The following MYO18A variants were observed in gnomAD, a reference collection of about 807,000 sequenced individuals.
The protein encoded by MYO18A is unconventional myosin-XVIIIa.
A neutral mutation model predicts 235.8 loss-of-function variants in MYO18A; 78 were observed. That is an observed-to-expected ratio of 0.33 (90% CI 0.28 to 0.40). The LOEUF (loss-of-function observed/expected upper bound fraction) is 0.40. Among genes scored for constraint, MYO18A ranks in the 10% least tolerant of loss-of-function variants. The probability of loss-of-function intolerance (pLI) is 1.00; values close to 1 mark genes in which losing one functional copy is unlikely to be tolerated. For synonymous variants in MYO18A, 977 were observed against 1,077.8 expected (o/e 0.91, Z 1.83); for missense variants, 2,215 against 2,699.3 (o/e 0.82, Z 3.98).
At position 29,089,979 on chromosome 17, in the gene MYO18A, C is replaced by G; in HGVS notation, c.5508G>C (p.Thr1836=). 1 of 1,614,048 alleles carries G rather than the reference C, an allele frequency of 6.2e-7. No homozygotes were observed. The highest frequency in any genetic ancestry group is 2.2e-5 in the East Asian group (1 of 44,876). Residue 1836 remains threonine, a synonymous_variant, in exon 37 of 42, where the codon ACG becomes ACC. Transcript: ENST00000527372. The part of the protein sequence containing the change: ...ELETRLEFER[T]QVKRLESLAS... ...AACCCACCTCCAGCCGTTTCACTTGCGTCCTTTCAAACTCCAGGCGTGTCT... is the reference window on the plus strand; with the variant it reads ...AACCCACCTCCAGCCGTTTCACTTGGGTCCTTTCAAACTCCAGGCGTGTCT...
chr17:29,165,901 C>T, intron 2 of MYO18A, 41 bp downstream of exon 2: 1 of 1,567,592 alleles, frequency 6.4e-7, no homozygotes, highest in Non-Finnish European at 8.7e-7. Context: ...TGCCCACATT[C>T]CCCATCCCTG....
chr17:29,090,452 T>C, intron 36 of MYO18A, 80 bp downstream of exon 36: 1 of 1,320,400 alleles, frequency 7.6e-7, no homozygotes, highest in Non-Finnish European at 1.1e-6. Flanking sequence ...AAGCGCCTTC[T>C]AAACTGTGAA....
intron 2 of MYO18A, chr17:29,131,283 G>T (rs562114530): frequency 1.0e-5 from 7 of 672,066 alleles, no homozygotes; most frequent in Non-Finnish European, 1.3e-5. Flanking sequence ...GCTAGTGGGT[G>T]CAGGGGCAAA....
intron 34 of MYO18A, chr17:29,091,764 C>CCCTGCCCAAGGGG (rs2066403473): frequency 2.3e-6 from 1 of 437,246 alleles, no homozygotes. Flanking sequence ...CTGCCCCATT[C>CCCTGCCCAAGGGG]CCTGCCCAAG....
chr17:29,094,506 T>C, intron 30 of MYO18A, 144 bp downstream of exon 30: 1 of 820,230 alleles, frequency 1.2e-6, no homozygotes, highest in South Asian at 1.7e-5. Flanking sequence ...GATCAGGTGC[T>C]CACTCCACAT....
chr17:29,086,130 C>G (rs1204602378), intron 39 of MYO18A, among the ~76,000 whole-genome samples: 1 of 152,246 alleles, frequency 6.6e-6, no homozygotes, highest in African/African-American at 2.4e-5. Flanking sequence ...TCTGCTCTCC[C>G]CAGAGTGGGG....
chr17:29,140,209 G>A lies in MYO18A; in HGVS notation c.1000-17956C>T, dbSNP rs994197530. On this transcript the variant is annotated intron_variant, in intron 2 of 41. Coordinates refer to ENST00000527372, the MANE Select transcript of MYO18A (RefSeq NM_078471.4). This position sits in a 1 kb window ranked among gnomAD's most constrained non-coding sequence, Gnocchi z 4.2. ...AAGCTCGGAGAGGAGCCCCAAGGCTGCCCCACCCCTCTCCCCACCTACTTC... is the reference window on the plus strand; with the variant it reads ...AAGCTCGGAGAGGAGCCCCAAGGCTACCCCACCCCTCTCCCCACCTACTTC... 3 of 534,440 alleles carry A rather than the reference G, an allele frequency of 5.6e-6. No homozygotes were observed. Among genetic ancestry groups the A allele is most frequent in the Non-Finnish European group, 8.2e-6 (3 of 366,962 alleles). The allele number at this position is 534,440 out of a possible 1,614,324, so 33.1% of individuals were successfully genotyped here.
intron 2 of MYO18A, among the ~76,000 whole-genome samples, chr17:29,138,494 A>T (rs2067659009): frequency 6.6e-6 from 1 of 152,160 alleles, no homozygotes. Flanking sequence ...TTATCTAGGG[A>T]TTGAGGGCGA....
rs775873123 is a variant in MYO18A, at chr17:29,097,175, C to G, written c.4230+48G>C. ...ACTGGACCGACACAAGGCACCAGTC[C>G]TCTCCTGGCCCTCCCAGGCACAGGC... On this transcript the variant is annotated intron_variant, in intron 27 of 41. Transcript: ENST00000527372. 3.1e-6 allele frequency: 5 copies of G among 1,597,662 alleles called. No homozygotes were observed. The Admixed American group carries it at 8.4e-5, about 27-fold the overall frequency.
Position 29,109,684 on chromosome 17 carries a change from A to G in MYO18A, c.3331+174T>C, listed in dbSNP as rs2066879872. 6.6e-6 allele frequency among the ~76,000 whole-genome samples: 1 copy of G among 151,998 alleles called. No individual in the cohort carries two copies. On this transcript the variant is annotated intron_variant, in intron 19 of 41. Transcript: ENST00000527372. The surrounding 1 kb of genome is among the most constrained non-coding windows in gnomAD (Gnocchi z 4.1). ...GCGGGGACTCTGCAGGATGGAAGGA[A>G]ATGGACAAAGGGGCTGTGGGCTGGG...
intron 23 of MYO18A, among the ~76,000 whole-genome samples, 189 bp from the exon 24 acceptor site, chr17:29,098,634 G>A (rs1267142291): frequency 6.6e-6 from 1 of 152,194 alleles, no homozygotes; most frequent in African/African-American, 2.4e-5. Flanking sequence ...ATAAGCTAGG[G>A]ATGCCCAAGA....
At chr17:29,097,141 C>G in intron 27 of MYO18A, 82 bp downstream of exon 27, 3 of 1,564,450 alleles carry the variant, frequency 1.9e-6, no homozygotes, top group East Asian at 4.6e-5. Flanking sequence ...CTGCCTGCCC[C>G]CAGAGTTCAC....
rs141714991 is a variant in MYO18A at position 29,138,729 on chromosome 17, G to A, written c.1000-16476C>T. 4.2e-4 allele frequency among the ~76,000 whole-genome samples: 64 copies of A among 152,172 alleles called. 1 individual carries two copies. Among genetic ancestry groups the A allele is most frequent in the African/African-American group, 1.5e-3 (63 of 41,512 alleles). On this transcript the variant is annotated intron_variant, in intron 2 of 41. Transcript: ENST00000527372. Reference sequence around the variant, plus strand: ...GGAGGCTCAGAAGGTCAGGTGACTCGCCCAAAGCCTCACAGCAGCAAGTGG... The same window carrying A: ...GGAGGCTCAGAAGGTCAGGTGACTCACCCAAAGCCTCACAGCAGCAAGTGG...
At chr17:29,169,161 C>T (rs2068345041) in intron 1 of MYO18A, among the ~76,000 whole-genome samples, 1 of 151,950 alleles carries the variant, frequency 6.6e-6, no homozygotes, top group South Asian at 2.1e-4. Flanking sequence ...CGCCATTCTC[C>T]TGCCTCAGCC....
rs147943787 is a variant in MYO18A, at chr17:29,074,722, G to A, written c.*48C>T. ...CACCACTTCCTGGGAGAGGTGCCCA[G>A]GCAGCCACAGGCCCTGGGGTGAGAG... On this transcript the variant is annotated 3_prime_UTR_variant, in exon 42 of 42. Transcript: ENST00000527372. The surrounding 1 kb of genome is among the most constrained non-coding windows in gnomAD (Gnocchi z 4.4). 24 of 1,601,710 alleles carry A rather than the reference G, an allele frequency of 1.5e-5. No homozygotes were observed. The African/African-American group carries it at 2.7e-4, about 18-fold the overall frequency.
intron 2 of MYO18A, among the ~76,000 whole-genome samples, chr17:29,131,671 C>T (rs1433346544): frequency 6.6e-6 from 1 of 152,168 alleles, no homozygotes; most frequent in East Asian, 1.9e-4. Context: ...AGCCAAGTAC[C>T]CTTGCCCTCA....
intron 2 of MYO18A, among the ~76,000 whole-genome samples, chr17:29,154,121 T>TGTGTGTGTGTGCGCGCGCGCGCGCGC (rs142430455): frequency 6.0e-5 from 9 of 148,998 alleles, no homozygotes; most frequent in African/African-American, 2.3e-4. Context: ...TGTGTGTGTG[T>TGTGTGTGTGTGCGCGCGCGCGCGCGC]GCGCGCGCGT....
intron 41 of MYO18A, chr17:29,081,126 G>C: frequency 2.2e-6 from 1 of 461,160 alleles, no homozygotes; most frequent in Non-Finnish European, 2.8e-6. Context: ...ACAGGGGGAG[G>C]GAGGCGAAAG....
At chr17:29,092,636 T>C (rs370162075) in intron 33 of MYO18A, among the ~76,000 whole-genome samples, 180 bp from the exon 34 acceptor site, 2 of 152,186 alleles carry the variant, frequency 1.3e-5, no homozygotes, top group East Asian at 3.9e-4. Context: ...ACATGGCTGG[T>C]GGGCACCAGG....
Sources: gnomAD v4.1 joint callset for allele counts (sites outside exome capture counted in the v4.1 genomes callset) on GRCh38, gnomAD v4.1.1 for gene constraint, Gnocchi (gnomAD v3.1) non-coding constraint, MANE v1.5 for transcripts, NCBI Gene and HGNC (gene_info 2026-07-23, HGNC 2026-07-21) for gene names.